Variants in DYNLT3 observed in about 807,000 individuals in gnomAD.
DYNLT3 encodes the protein dynein light chain Tctex-type 3.
In DYNLT3, 4 loss-of-function variants were observed where a neutral mutation model predicts 11.0. That is an observed-to-expected ratio of 0.36 (90% CI 0.18 to 0.83). The LOEUF (loss-of-function observed/expected upper bound fraction) is 0.83. Ranked by LOEUF, DYNLT3 falls within the 40% of genes least tolerant of loss-of-function variation. DYNLT3 has a pLI of 0.47. For missense variants in DYNLT3, 91 were observed against 91.1 expected (o/e 1.00, Z 0.01); for synonymous variants, 37 against 31.2 (o/e 1.18, Z -0.61).
chrX:37,845,186 C>T (rs1474579685), intron 2 of DYNLT3, among the ~76,000 whole-genome samples: 1 of 112,091 alleles, frequency 8.9e-6, no homozygotes, highest in Non-Finnish European at 1.9e-5. Flanking sequence ...GTATTAAAAA[C>T]CTTTGCTTTC....
chrX:37,843,121 T>C (rs986261715), intron 2 of DYNLT3, among the ~76,000 whole-genome samples: 2 of 112,492 alleles, frequency 1.8e-5, no homozygotes, highest in African/African-American at 6.4e-5. Context: ...TGAAATATTT[T>C]AGCAAGGTTG....
At chrX:37,844,830 T>C (rs1419481529) in intron 2 of DYNLT3, among the ~76,000 whole-genome samples, 2 of 112,409 alleles carry the variant, frequency 1.8e-5, no homozygotes, top group Non-Finnish European at 3.8e-5. Flanking sequence ...AGTGTTTCTC[T>C]CTGCTGACTC....
intron 3 of DYNLT3, 104 bp downstream of exon 3, chrX:37,841,678 A>C (rs964645401): frequency 5.8e-6 from 5 of 858,631 alleles, no homozygotes; most frequent in Non-Finnish European, 6.2e-6. Flanking sequence ...ATACCCTTTT[A>C]GTATCCAACT....
In DYNLT3 at chrX:37,841,882, A is replaced by AC; in HGVS notation, c.95dup (p.Glu33Ter). 1 of 1,146,783 alleles carries AC rather than the reference A, an allele frequency of 8.7e-7. No homozygotes were observed. 94.5% of individuals were successfully genotyped at this position (1,146,783 alleles called of 1,213,427 possible). ...TGATGTTGTTGTGATTATAATCTTCACCACCTAAAACCCCATCTACACACT... is the reference window on the plus strand; with the variant it reads ...TGATGTTGTTGTGATTATAATCTTCACCCACCTAAAACCCCATCTACACACT... On this transcript the variant is annotated frameshift_variant, in exon 3 of 5. Coordinates refer to ENST00000378578, the MANE Select transcript of DYNLT3 (RefSeq NM_006520.3). LOFTEE classifies it high-confidence loss of function.
chrX:37,840,723 T>TACAC (rs750332268), intron 4 of DYNLT3, 72 bp from the exon 5 acceptor site: 140 of 413,177 alleles, frequency 3.4e-4, no homozygotes, highest in Non-Finnish European at 4.8e-4. Flanking sequence ...TATATATATA[T>TACAC]ACACACACAC....
intron 2 of DYNLT3, among the ~76,000 whole-genome samples, chrX:37,842,824 A>G (rs763470132): frequency 8.9e-6 from 1 of 112,279 alleles, no homozygotes; most frequent in South Asian, 3.6e-4. Context: ...GTTAACTACT[A>G]TTATCATATT....
At chrX:37,841,952 A>T (rs1427126812) in intron 2 of DYNLT3, 47 bp from the exon 3 acceptor site, 1 of 1,035,173 alleles carries the variant, frequency 9.7e-7, no homozygotes, top group South Asian at 3.4e-5. Flanking sequence ...AAATTGTTCA[A>T]AAAGAACAAT....
Position 37,847,520 on chromosome X carries a change from G to T in DYNLT3, c.-10C>A, listed in dbSNP as rs1266786179. 1 of 976,112 alleles carries T rather than the reference G, an allele frequency of 1.0e-6. No individual in the cohort carries two copies. Among genetic ancestry groups the T allele is most frequent in the Non-Finnish European group, 1.3e-6 (1 of 773,417 alleles). The allele number at this position is 976,112 out of a possible 1,213,427, so 80.4% of individuals were successfully genotyped here. A position where few individuals can be genotyped will look rare whatever the true frequency, so the allele number is the denominator to read the frequency against. On this transcript the variant is annotated 5_prime_UTR_variant, in exon 1 of 5. Transcript: ENST00000378578. ...GATGGTACTCCTCCATGGTAGCGCC[G>T]GCTCTCCCTGGGGCGGAGCGACACG... is the stretch of plus-strand genomic sequence containing the variant.
Position 37,847,507 on chromosome X carries a change from C to T in DYNLT3, c.4G>A (p.Glu2Lys). ...TCGTCGCAGTGGCGATGGTACTCCT[C>T]CATGGTAGCGCCGGCTCTCCCTGGG... Reference protein sequence around the residue: MEEYHRHCDEVG... With the variant: MKEYHRHCDEVG... Residue 2 changes from glutamate (E) to lysine (K), a missense_variant, in exon 1 of 5, where the codon GAG (glutamate) becomes AAG (lysine). By Grantham distance (56) the Glu-to-Lys change is moderately conservative (BLOSUM62 1). Transcript: ENST00000378578. 2 of 980,545 alleles carry T rather than the reference C, an allele frequency of 2.0e-6. No individual in the cohort carries two copies. Among genetic ancestry groups the T allele is most frequent in the Non-Finnish European group, 2.6e-6 (2 of 776,071 alleles). 80.8% of individuals were successfully genotyped at this position (980,545 alleles called of 1,213,427 possible).
intron 2 of DYNLT3, 22 bp from the exon 3 acceptor site, chrX:37,841,927 T>C (rs1047488803): frequency 2.8e-6 from 3 of 1,086,953 alleles, no homozygotes; most frequent in South Asian, 5.6e-5. Context: ...CAGAGGGCAG[T>C]TAATTTAGTC....
chrX:37,840,900 A>G (rs909284917), intron 4 of DYNLT3, 128 bp downstream of exon 4: 4 of 671,550 alleles, frequency 6.0e-6, no homozygotes, highest in Admixed American at 3.3e-5. Flanking sequence ...ACTTGTTACT[A>G]GGTACAAAGC....
intron 2 of DYNLT3, among the ~76,000 whole-genome samples, chrX:37,842,964 A>C (rs780660645): frequency 5.3e-4 from 59 of 111,980 alleles, no homozygotes; most frequent in African/African-American, 1.9e-3. Context: ...TCATTTTTAG[A>C]ATCTAGCTTA....
chrX:37,847,266 C>T, intron 1 of DYNLT3: 2 of 902,512 alleles, frequency 2.2e-6, no homozygotes, highest in Non-Finnish European at 3.0e-6. Context: ...GATCCGCGCG[C>T]TCCTGGCCAC....
chrX:37,841,851 A>G lies in DYNLT3; in HGVS notation c.127T>C (p.Trp43Arg). The change falls in exon 3 of 5, where the codon TGG (tryptophan) becomes CGG (arginine). Residue 43 changes from tryptophan (W) to arginine (R), a missense_variant. Physicochemically the swap from Trp to Arg is moderately radical, Grantham distance 101 (BLOSUM62 -3). Coordinates refer to ENST00000378578, the MANE Select transcript of DYNLT3 (RefSeq NM_006520.3). ...EDYNHNNINQWTASIVEQSLT... is the reference protein window; with the variant it reads ...EDYNHNNINQRTASIVEQSLT... Reference sequence around the variant, plus strand: ...GATTGTTCCACTATGCTTGCAGTCCACTGGTTGATGTTGTTGTGATTATAA... The same window carrying G: ...GATTGTTCCACTATGCTTGCAGTCCGCTGGTTGATGTTGTTGTGATTATAA... 1.7e-6 allele frequency: 2 copies of G among 1,167,472 alleles called. No individual in the cohort carries two copies. Among genetic ancestry groups the G allele is most frequent in the Non-Finnish European group, 2.3e-6 (2 of 865,464 alleles).
rs748975598 is a variant in DYNLT3, at chrX:37,841,050, A to G, written c.252T>C (p.Cys84=). The G allele has an allele frequency of 2.5e-6, 3 of 1,210,776 alleles. No homozygotes were observed. The highest frequency in any genetic ancestry group is 3.4e-6 in the Non-Finnish European group (3 of 895,119). ...SAYGFHTASS[C]FWDTTSDGTC... ...TACCATCAGATGTGGTATCCCAAAA[A>G]CAGGAGCTGGCTGTGTGAAAGCCAT... Residue 84 remains cysteine (C), a synonymous_variant, in exon 4 of 5, where the codon TGT becomes TGC. Transcript: ENST00000378578.
chrX:37,840,417 T>G lies in DYNLT3; in HGVS notation c.*158A>C. On this transcript the variant is annotated 3_prime_UTR_variant, in exon 5 of 5. Transcript: ENST00000378578. ...ATATGAGCTAATCTGCCAATTACTA[T>G]GATATTGCTTGCTTATAATATTCAG... The G allele has an allele frequency of 3.9e-5, 15 of 380,207 alleles. No individual in the cohort carries two copies. Among genetic ancestry groups the G allele is most frequent in the East Asian group, 9.3e-5 (2 of 21,512 alleles). 31.3% of individuals were successfully genotyped at this position (380,207 alleles called of 1,213,427 possible).
intron 1 of DYNLT3, 190 bp downstream of exon 1, chrX:37,847,291 A>T: frequency 1.1e-6 from 1 of 880,719 alleles, no homozygotes; most frequent in Non-Finnish European, 1.5e-6. Flanking sequence ...CCCACCCCGA[A>T]TCTCAGGACT....
rs202148276 is a variant in DYNLT3 at position 37,846,935 on chromosome X, T to TAAC, written c.30+543_30+545dup. ...GGAGTCCCCATCAATAACAGGGAGA[T>TAAC]AACAACTGACATCATGGGTTTCTGG... On this transcript the variant is annotated intron_variant, in intron 1 of 4. Coordinates refer to ENST00000378578, the MANE Select transcript of DYNLT3 (RefSeq NM_006520.3). 558 of 1,080,747 alleles carry TAAC rather than the reference T, an allele frequency of 5.2e-4. 3 individuals carry two copies. The East Asian group carries it at 0.016, about 31-fold the overall frequency. 89.1% of individuals were successfully genotyped at this position (1,080,747 alleles called of 1,213,427 possible).
chrX:37,845,104 A>T (rs1394424779), intron 2 of DYNLT3, among the ~76,000 whole-genome samples: 2 of 110,611 alleles, frequency 1.8e-5, no homozygotes, highest in Admixed American at 1.9e-4. Context: ...AACTAAGATC[A>T]CTCCCTTCTC....
Sources: allele counts gnomAD v4.1 joint callset (sites outside exome capture counted in the v4.1 genomes callset), GRCh38; gene constraint gnomAD v4.1.1; transcripts MANE v1.5; gene names NCBI Gene and HGNC (gene_info 2026-07-23, HGNC 2026-07-21).